The following CPB2 variants were observed in gnomAD, a reference collection of about 807,000 sequenced individuals.
The protein encoded by CPB2 is carboxypeptidase B2.
CPB2 carries 54 observed loss-of-function variants against 57.0 expected under a neutral mutation model. The observed-to-expected ratio is 0.95, with a 90% CI of 0.76 to 1.19. CPB2 has a LOEUF of 1.19. Ranked by LOEUF, CPB2 falls within the 50% of genes most tolerant of loss-of-function variation. The pLI is 0.00. For synonymous variants in CPB2, 189 were observed against 178.1 expected (o/e 1.06, Z -0.49); for missense variants, 426 against 512.0 (o/e 0.83, Z 1.62).
chr13:46,062,894 T>C (rs1294903023), intron 8 of CPB2, among the ~76,000 whole-genome samples: 1 of 152,234 alleles, frequency 6.6e-6, no homozygotes, highest in Non-Finnish European at 1.5e-5. Context: ...TGATAAAATG[T>C]TTAAAATCAT....
intron 5 of CPB2, among the ~76,000 whole-genome samples, chr13:46,074,782 GT>G (rs2044996244): frequency 6.6e-6 from 1 of 152,150 alleles, no homozygotes; most frequent in Admixed American, 6.5e-5. Context: ...GGAATCAGTG[GT>G]GGGGATGGTT....
chr13:46,053,947 C>T (rs1011870877), intron 10 of CPB2, 149 bp from the exon 11 acceptor site: 11 of 683,632 alleles, frequency 1.6e-5, no homozygotes, highest in Middle Eastern at 4.0e-4. Flanking sequence ...CAATGAGTAC[C>T]CTTGTTTATA....
intron 1 of CPB2, among the ~76,000 whole-genome samples, chr13:46,093,714 T>C (rs1229905499): frequency 6.6e-6 from 1 of 152,158 alleles, no homozygotes; most frequent in Admixed American, 6.5e-5. Flanking sequence ...AAACAACACA[T>C]TGTTAGCTTT....
At chr13:46,055,038 A>C (rs1295490544) in intron 10 of CPB2, among the ~76,000 whole-genome samples, 1 of 150,830 alleles carries the variant, frequency 6.6e-6, no homozygotes, top group African/African-American at 2.5e-5. Flanking sequence ...GGCATGAGCC[A>C]CAGCACCTGG....
Position 46,084,233 on chromosome 13 carries a change from G to T in CPB2, c.261C>A (p.Ser87Arg), listed in dbSNP as rs201399827. 1.9e-6 allele frequency: 3 copies of T among 1,613,960 alleles called. No individual in the cohort carries two copies. The South Asian group carries it at 3.3e-5, about 18-fold the overall frequency. ...ACGGTGCCTACCTGCATGGAATTCCGCTCACATTTAAATGGGCTTTCACAT... is the reference window on the plus strand; with the variant it reads ...ACGGTGCCTACCTGCATGGAATTCCTCTCACATTTAAATGGGCTTTCACAT... ...VDNVKAHLNV[S>R]GIPCSVLLAD... Residue 87 changes from serine (S) to arginine (R), a missense_variant, in exon 3 of 11, where the codon AGC becomes AGA. Ser to Arg is a moderately radical substitution (Grantham distance 110, BLOSUM62 -1). Transcript: ENST00000181383.
At position 46,073,905 on chromosome 13, in the gene CPB2, A is replaced by C; in HGVS notation, c.559T>G (p.Ser187Ala). 1.3e-6 allele frequency: 2 copies of C among 1,587,638 alleles called. No individual in the cohort carries two copies. The highest frequency in any genetic ancestry group is 1.7e-6 in the Non-Finnish European group (2 of 1,159,460). The change falls in exon 6 of 11, where the codon TCT (serine) becomes GCT (alanine). Residue 187 changes from serine to alanine, a missense_variant. Physicochemically the swap from Ser to Ala is moderately conservative, Grantham distance 99 (BLOSUM62 1). Coordinates refer to ENST00000181383, the MANE Select transcript of CPB2 (RefSeq NM_001872.5). The stretch of plus-strand genomic sequence containing the variant: ...ATGAACCACAAGCAGAAAGCAGGAG[A>C]GATCCATTCTCTGGCATGGATTCCA... ...DCGIHAREWI[S>A]PAFCLWFIGH...
chr13:46,099,794 G>A (rs1156696695), intron 1 of CPB2: 2 of 152,246 alleles, frequency 1.3e-5, no homozygotes, highest in Non-Finnish European at 2.9e-5. Flanking sequence ...GGAGGCTGAG[G>A]TGGGTGGATC....
intron 1 of CPB2, among the ~76,000 whole-genome samples, chr13:46,104,706 G>A (rs1326339084): frequency 8.5e-5 from 13 of 152,134 alleles, no homozygotes; most frequent in African/African-American, 3.1e-4. Context: ...TATCATCCAA[G>A]GTTCTCCCAA....
rs2044725113 is a variant in CPB2 at position 46,058,307 on chromosome 13, C to A, written c.871G>T (p.Ala291Ser). 1 of 1,614,060 alleles carries A rather than the reference C, an allele frequency of 6.2e-7. No individual in the cohort carries two copies. Among genetic ancestry groups the A allele is most frequent in the African/African-American group, 1.3e-5 (1 of 75,024 alleles). The change falls in exon 9 of 11, where the codon GCA becomes TCA. Residue 291 changes from alanine to serine, a missense_variant. By Grantham distance (99) the Ala-to-Ser change is moderately conservative. Coordinates refer to ENST00000181383, the MANE Select transcript of CPB2 (RefSeq NM_001872.5). ...LYPESEPEVKAVASFLRRNIN... is the reference protein window; with the variant it reads ...LYPESEPEVKSVASFLRRNIN... ...TTTCTTCTCAAGAAACTAGCCACTGCCTTCACTTCTGGTTCTGACTCAGGA... is the reference window on the plus strand; with the variant it reads ...TTTCTTCTCAAGAAACTAGCCACTGACTTCACTTCTGGTTCTGACTCAGGA...
intron 1 of CPB2, among the ~76,000 whole-genome samples, chr13:46,101,517 T>C (rs2045433543): frequency 6.6e-6 from 1 of 152,192 alleles, no homozygotes; most frequent in Admixed American, 6.5e-5. Context: ...TAACTTTCCA[T>C]GCGAGAGCAG....
chr13:46,093,189 A>G (rs1467465008), intron 1 of CPB2, among the ~76,000 whole-genome samples: 1 of 152,184 alleles, frequency 6.6e-6, no homozygotes, highest in African/African-American at 2.4e-5. Context: ...CTGGGATTAC[A>G]GGCGTGAGCC....
intron 6 of CPB2, chr13:46,073,532 A>AGAAAAACCCGGC: frequency 1.1e-6 from 1 of 939,032 alleles, no homozygotes; most frequent in Non-Finnish European, 1.3e-6. Flanking sequence ...AGAGAAATAA[A>AGAAAAACCCGGC]TTAATTGGGC....
At chr13:46,065,342 A>G (rs1428891563) in intron 7 of CPB2, among the ~76,000 whole-genome samples, 1 of 152,162 alleles carries the variant, frequency 6.6e-6, no homozygotes, top group Non-Finnish European at 1.5e-5. Flanking sequence ...AAAGAGTTGC[A>G]CAGGCCGGGC....
chr13:46,056,812 T>C (rs2044703561), intron 9 of CPB2, among the ~76,000 whole-genome samples: 1 of 152,212 alleles, frequency 6.6e-6, no homozygotes, highest in Admixed American at 6.5e-5. Flanking sequence ...CAGCACTTTA[T>C]TATTTGTAGT....
At chr13:46,074,004 A>T in intron 5 of CPB2, 27 bp from the exon 6 acceptor site, 1 of 1,359,362 alleles carries the variant, frequency 7.4e-7, no homozygotes. Flanking sequence ...CAAAAGTAGC[A>T]AAAACAGTAA....
At chr13:46,100,926 G>A (rs1196266874) in intron 1 of CPB2, 2 of 152,100 alleles carry the variant, frequency 1.3e-5, no homozygotes, top group African/African-American at 4.8e-5. Context: ...GTTAGAACTC[G>A]AGAAAAAGAC....
chr13:46,059,491 TTGAA>T (rs1194870338), intron 8 of CPB2, among the ~76,000 whole-genome samples: 16 of 152,386 alleles, frequency 1.0e-4, no homozygotes, highest in African/African-American at 3.4e-4. Flanking sequence ...TAAATGCTGA[TTGAA>T]TGAGAATTAA....
chr13:46,086,767 C>T (rs139760704), intron 2 of CPB2, among the ~76,000 whole-genome samples: 441 of 152,322 alleles, frequency 2.9e-3, no homozygotes, highest in African/African-American at 0.01. Context: ...GGCCTGCAGG[C>T]CAGTGCCGAG....
chr13:46,079,551 A>AAAAAAAAAAAAAG (rs2045078862), intron 4 of CPB2, among the ~76,000 whole-genome samples: 266 of 124,592 alleles, frequency 2.1e-3, no homozygotes, highest in Middle Eastern at 4.3e-3. Flanking sequence ...AAAAAAAAAA[A>AAAAAAAAAAAAAG]AAAAGAAAAG....
Sources: allele counts gnomAD v4.1 joint callset (sites outside exome capture counted in the v4.1 genomes callset), GRCh38; gene constraint gnomAD v4.1.1; transcripts MANE v1.5; gene names NCBI Gene and HGNC (gene_info 2026-07-23, HGNC 2026-07-21).